LINGO2: variants seen among roughly 807,000 people sequenced by gnomAD.
The protein encoded by LINGO2 is leucine-rich repeat and immunoglobulin-like domain-containing nogo receptor-interacting protein 2.
In LINGO2, 14 loss-of-function variants were observed where a neutral mutation model predicts 30.6. The observed-to-expected ratio is 0.46, with a 90% CI of 0.30 to 0.72. LINGO2 has a LOEUF of 0.72. LINGO2 is among the 30% of genes least tolerant of loss of function. LINGO2 has a pLI of 0.07. For missense variants in LINGO2, 729 were observed against 751.7 expected, an observed-to-expected ratio of 0.97 and a Z score of 0.35; for synonymous variants, 317 against 288.5, an observed-to-expected ratio of 1.10 and a Z score of -1.00.
the LINGO2 span, among the ~76,000 whole-genome samples, chr9:29,115,440 T>G: frequency 6.6e-6 from 1 of 152,176 alleles, no homozygotes; most frequent in East Asian, 1.9e-4. Context: ...CCAGTAGGTG[T>G]GACCTCCAGC....
chr9:28,202,463 A>G (rs1820271231), intron 4 of LINGO2, among the ~76,000 whole-genome samples: 1 of 152,168 alleles, frequency 6.6e-6, no homozygotes, highest in Admixed American at 6.5e-5. Flanking sequence ...ATGTCTTCTG[A>G]AAACCACTGA....
chr9:28,360,281 A>C lies in LINGO2; in HGVS notation c.-246+12555T>G, dbSNP rs117569329. Among the ~76,000 whole-genome samples the C allele has an allele frequency of 3.2e-4, 48 of 152,330 alleles. No individual in the cohort carries two copies. The East Asian group carries it at 9.3e-3, about 29-fold the overall frequency. ...TTCCTTTAAACCGTCAGCCAGAGAA[A>C]GGACTCCATCTTTTATCATAGTCCT... On this transcript the variant is annotated intron_variant, in intron 3 of 5. Transcript: ENST00000379992.
intron 4 of LINGO2, among the ~76,000 whole-genome samples, chr9:28,217,207 T>A (rs1820798836): frequency 6.6e-6 from 1 of 151,370 alleles, no homozygotes; most frequent in African/African-American, 2.4e-5. Flanking sequence ...TATTTTTATG[T>A]AGTTTATTTT....
intron 4 of LINGO2, among the ~76,000 whole-genome samples, chr9:28,061,929 A>AT (rs1825156902): frequency 6.6e-6 from 1 of 152,104 alleles, no homozygotes; most frequent in Non-Finnish European, 1.5e-5. Context: ...CATATGATGC[A>AT]TTTTTCACAG....
At chr9:29,141,905 T>C in the LINGO2 span, among the ~76,000 whole-genome samples, 1 of 151,810 alleles carries the variant, frequency 6.6e-6, no homozygotes, top group Non-Finnish European at 1.5e-5. Flanking sequence ...CAACTAAATA[T>C]ATGAAGCAAA....
At chr9:28,243,317 G>A (rs565437888) in intron 4 of LINGO2, among the ~76,000 whole-genome samples, 44 of 151,920 alleles carry the variant, frequency 2.9e-4, no homozygotes, top group African/African-American at 5.1e-4. Flanking sequence ...AAAATTAACC[G>A]GGTGTGGTGG....
At chr9:28,457,634 A>G (rs1587701212) in intron 2 of LINGO2, among the ~76,000 whole-genome samples, 1 of 152,146 alleles carries the variant, frequency 6.6e-6, no homozygotes, top group South Asian at 2.1e-4. Flanking sequence ...GTCTCATTAT[A>G]TTGCCCAAGT....
intron 1 of LINGO2, among the ~76,000 whole-genome samples, chr9:28,601,132 A>G (rs1406456180): frequency 1.3e-5 from 2 of 152,120 alleles, no homozygotes; most frequent in Admixed American, 1.3e-4. Context: ...ACACAGGCCT[A>G]GCAGTACCCT....
At chr9:29,088,296 A>C in the LINGO2 span, among the ~76,000 whole-genome samples, 2 of 152,136 alleles carry the variant, frequency 1.3e-5, no homozygotes, top group Admixed American at 1.3e-4. Context: ...TCTAGTGTCC[A>C]AAGCAAATAC....
At position 28,474,948 on chromosome 9, in the gene LINGO2, GTCT is replaced by G. The variant is rs574024221; in HGVS notation, c.-279+989_-279+991del. On this transcript the variant is annotated intron_variant, in intron 2 of 5. Coordinates refer to ENST00000379992, the Ensembl canonical transcript of LINGO2. ...AAAAATATAAATCTGTATATTTTCT[GTCT>G]TCTTTTTATCATTTCATTTTTTCTA... Among the ~76,000 whole-genome samples, 472 of 152,124 alleles carry G rather than the reference GTCT, an allele frequency of 3.1e-3. 2 individuals carry two copies. The highest frequency in any genetic ancestry group is 4.7e-3 in the Non-Finnish European group (320 of 67,980).
chr9:27,986,699 G>T (rs1821141740), intron 5 of LINGO2, among the ~76,000 whole-genome samples: 1 of 151,774 alleles, frequency 6.6e-6, no homozygotes, highest in African/African-American at 2.4e-5. Context: ...GTCCCTCCTT[G>T]AGCACTTTCT....
At chr9:28,179,865 G>A (rs1442347215) in intron 4 of LINGO2, among the ~76,000 whole-genome samples, 6 of 151,714 alleles carry the variant, frequency 4.0e-5, no homozygotes, top group Admixed American at 2.0e-4. Context: ...TGTTAAGCAG[G>A]TTTGTGCAGC....
the LINGO2 span, among the ~76,000 whole-genome samples, chr9:28,813,260 G>A: frequency 2.0e-4 from 30 of 152,222 alleles, no homozygotes; most frequent in South Asian, 1.5e-3. Flanking sequence ...GTGGATGCCT[G>A]AAACTCAGTA....
intron 4 of LINGO2, among the ~76,000 whole-genome samples, chr9:28,073,694 G>C (rs997608771): frequency 6.6e-6 from 1 of 152,112 alleles, no homozygotes; most frequent in African/African-American, 2.4e-5. Context: ...CTTTATCTCT[G>C]AGTTTTCCCA....
At chr9:28,509,257 G>A (rs977961121) in intron 1 of LINGO2, among the ~76,000 whole-genome samples, 1 of 152,100 alleles carries the variant, frequency 6.6e-6, no homozygotes, top group Non-Finnish European at 1.5e-5. Context: ...GGCTACCTCT[G>A]AAACAGGTTT....
At chr9:29,055,770 C>T in the LINGO2 span, among the ~76,000 whole-genome samples, 1 of 151,906 alleles carries the variant, frequency 6.6e-6, no homozygotes, top group African/African-American at 2.4e-5. Context: ...GATGTCTTCG[C>T]GTCCTCATAG....
chr9:28,172,287 A>T (rs904042306), intron 4 of LINGO2, among the ~76,000 whole-genome samples: 14 of 146,972 alleles, frequency 9.5e-5, no homozygotes, highest in African/African-American at 3.5e-4. Context: ...GCTACTTGGG[A>T]GGCTGAGGCA....
At chr9:28,685,465 TATA>T in the LINGO2 span, among the ~76,000 whole-genome samples, 1 of 152,324 alleles carries the variant, frequency 6.6e-6, no homozygotes, top group Non-Finnish European at 1.5e-5. Context: ...TTTCTGCTTT[TATA>T]ATAATAACAT....
the LINGO2 span, among the ~76,000 whole-genome samples, chr9:28,696,448 GTTAACTTC>G: frequency 1.3e-5 from 2 of 151,780 alleles, no homozygotes; most frequent in Admixed American, 6.6e-5. Flanking sequence ...CAAACCTACA[GTTAACTTC>G]TTAAATTAAG....
Sources: gnomAD v4.1 joint callset for allele counts (sites outside exome capture counted in the v4.1 genomes callset) on GRCh38, gnomAD v4.1.1 for gene constraint, MANE v1.5 for transcripts, NCBI Gene and HGNC (gene_info 2026-07-23, HGNC 2026-07-21) for gene names.